Variants in FABP2 observed in about 807,000 individuals in gnomAD.
FABP2 encodes fatty acid-binding protein, intestinal.
Under a neutral mutation model 16.1 loss-of-function variants are expected in FABP2, and 11 were observed. That is an observed-to-expected ratio of 0.68 (90% CI 0.43 to 1.13). FABP2 has a LOEUF of 1.13. Ranked by LOEUF, FABP2 falls within the 50% of genes most tolerant of loss-of-function variation. FABP2 has a pLI of 0.00. For missense variants in FABP2, 146 were observed against 155.1 expected, an observed-to-expected ratio of 0.94 and a Z score of 0.31; for synonymous variants, 45 against 50.9, an observed-to-expected ratio of 0.88 and a Z score of 0.49.
At chr4:119,321,345 A>G (rs1490436380) in intron 1 of FABP2, among the ~76,000 whole-genome samples, 2 of 152,114 alleles carry the variant, frequency 1.3e-5, no homozygotes, top group Non-Finnish European at 2.9e-5. Context: ...ATTAGCAAAT[A>G]TTAAGCCAAA....
chr4:119,318,954 A>T lies in FABP2; in HGVS notation c.*87T>A. ...AAAGGACCAATCAATCAGTAACCTT[A>T]TACTTGATGGGGTGAAATAAATAGT... On this transcript the variant is annotated 3_prime_UTR_variant, in exon 4 of 4. Transcript: ENST00000274024. The T allele has an allele frequency of 2.9e-6, 3 of 1,047,472 alleles. No homozygotes were observed. The South Asian group carries it at 4.4e-5, about 15-fold the overall frequency. 64.9% of individuals were successfully genotyped at this position (1,047,472 alleles called of 1,614,324 possible). A position where few individuals can be genotyped will look rare whatever the true frequency, so the allele number is the denominator to read the frequency against.
chr4:119,319,168 T>A, intron 3 of FABP2, 77 bp from the exon 4 acceptor site: 3 of 802,738 alleles, frequency 3.7e-6, no homozygotes, highest in Non-Finnish European at 5.9e-6. Flanking sequence ...ATTATAGTTT[T>A]ATACTATATG....
Position 119,319,659 on chromosome 4 carries a change from A to AATAATG in FABP2, c.241-17_241-16insCATTAT. ...TCCAGGTCCCCTACATAATAATAATAATAATAATAATAATAATAATGGCAT... is the reference window on the plus strand; with the variant it reads ...TCCAGGTCCCCTACATAATAATAATAATAATGATAATAATAATAATAATAATGGCAT... On this transcript the variant is annotated splice_polypyrimidine_tract_variant and intron_variant, in intron 2 of 3. Transcript: ENST00000274024. The AATAATG allele has an allele frequency of 9.9e-7, 1 of 1,006,018 alleles. No individual in the cohort carries two copies. The highest frequency in any genetic ancestry group is 1.3e-6 in the Non-Finnish European group (1 of 749,856). 62.3% of individuals were successfully genotyped at this position (1,006,018 alleles called of 1,614,324 possible).
At position 119,317,778 on chromosome 4, in the gene FABP2, C is replaced by T. The variant is rs1359853367; in HGVS notation, c.*1263G>A. 1 of 151,810 alleles carries T rather than the reference C, an allele frequency of 6.6e-6. No individual in the cohort carries two copies. Among genetic ancestry groups the T allele is most frequent in the Non-Finnish European group, 1.5e-5 (1 of 67,948 alleles). 9.4% of individuals were successfully genotyped at this position (151,810 alleles called of 1,614,324 possible). Reference sequence around the variant, plus strand: ...TGCTAAAATACAATTATGTGAAGCACATAAAATTTTACGTCATGTGAAAAT... The same window carrying T: ...TGCTAAAATACAATTATGTGAAGCATATAAAATTTTACGTCATGTGAAAAT... On this transcript the variant is annotated 3_prime_UTR_variant, in exon 4 of 4. Transcript: ENST00000274024.
At chr4:119,321,625 A>T (rs1339060370) in intron 1 of FABP2, among the ~76,000 whole-genome samples, 1 of 152,134 alleles carries the variant, frequency 6.6e-6, no homozygotes, top group Non-Finnish European at 1.5e-5. Flanking sequence ...AGCGCTATAA[A>T]TTTTAAGAGA....
rs114411398 is a variant in FABP2, at chr4:119,318,774, A to G, written c.*267T>C. 959 of 333,970 alleles carry G rather than the reference A, an allele frequency of 2.9e-3. 8 individuals are homozygous for G. Among genetic ancestry groups the G allele is most frequent in the African/African-American group, 0.02 (902 of 45,762 alleles). The allele number at this position is 333,970 out of a possible 1,614,324, so 20.7% of individuals were successfully genotyped here. On this transcript the variant is annotated 3_prime_UTR_variant, in exon 4 of 4. Coordinates refer to ENST00000274024, the MANE Select transcript of FABP2 (RefSeq NM_000134.4). ...TTTCTTTTAAAAGGCAAGGCTACAT[A>G]TAAAGCAACATGGACGCAATATTTA...
chr4:119,320,014 G>A (rs1013173025), intron 2 of FABP2, among the ~76,000 whole-genome samples: 3 of 135,700 alleles, frequency 2.2e-5, no homozygotes, highest in Admixed American at 7.3e-5. Flanking sequence ...TAGTTTCATG[G>A]AGATGTTAAC....
At chr4:119,321,894 T>C in intron 1 of FABP2, 142 bp downstream of exon 1, 1 of 599,590 alleles carries the variant, frequency 1.7e-6, no homozygotes, top group Non-Finnish European at 2.9e-6. Flanking sequence ...ATGGTTTCCC[T>C]CCTCTGAACA....
chr4:119,321,149 A>C (rs1313500811), intron 1 of FABP2, among the ~76,000 whole-genome samples: 1 of 152,136 alleles, frequency 6.6e-6, no homozygotes, highest in Non-Finnish European at 1.5e-5. Flanking sequence ...ATCAAATTCT[A>C]GAAATATCAA....
intron 1 of FABP2, among the ~76,000 whole-genome samples, chr4:119,321,604 C>A: frequency 6.6e-6 from 1 of 152,224 alleles, no homozygotes; most frequent in South Asian, 2.1e-4. Context: ...AGAATTAAAT[C>A]TAACTTATTC....
intron 2 of FABP2, among the ~76,000 whole-genome samples, chr4:119,320,313 GTTAAA>G (rs1755645304): frequency 2.0e-5 from 3 of 151,578 alleles, no homozygotes; most frequent in Admixed American, 6.6e-5. Context: ...ATTTCAACAT[GTTAAA>G]TTGCTATTAC....
intron 2 of FABP2, among the ~76,000 whole-genome samples, chr4:119,319,851 G>A (rs1755637521): frequency 6.6e-6 from 1 of 151,922 alleles, no homozygotes; most frequent in African/African-American, 2.4e-5. Context: ...AGTGAGGATT[G>A]AACCTAGGCC....
chr4:119,320,677 T>C lies in FABP2; in HGVS notation c.233A>G (p.Glu78Gly). ...TFNYNLADGT[E>G]LRGTWSLEGN... ...AAAAAAAAAAATTCTTACCCTGAGT[T>C]CAGTTCCGTCTGCTAGATTGTAATT... Residue 78 changes from glutamate (E) to glycine (G), a missense_variant, in exon 2 of 4, where the codon GAA (glutamate) becomes GGA (glycine). By Grantham distance (98) the Glu-to-Gly change is moderately conservative (BLOSUM62 -2). Coordinates refer to ENST00000274024, the MANE Select transcript of FABP2 (RefSeq NM_000134.4). 1 of 1,572,778 alleles carries C rather than the reference T, an allele frequency of 6.4e-7. No homozygotes were observed. Among genetic ancestry groups the C allele is most frequent in the Non-Finnish European group, 8.6e-7 (1 of 1,167,476 alleles).
rs142059176 is a variant in FABP2, at chr4:119,318,003, C to T, written c.*1038G>A. ...TTTCTAGAATTCTTGGTTCTATTAG[C>T]GATTCTGATATAATAGAATAACAGT... On this transcript the variant is annotated 3_prime_UTR_variant, in exon 4 of 4. Transcript: ENST00000274024. 2.0e-5 allele frequency: 3 copies of T among 151,926 alleles called. No homozygotes were observed. The highest frequency in any genetic ancestry group is 4.8e-5 in the African/African-American group (2 of 41,378). 9.4% of individuals were successfully genotyped at this position (151,926 alleles called of 1,614,324 possible).
intron 1 of FABP2, 72 bp from the exon 2 acceptor site, chr4:119,320,914 T>C: frequency 7.6e-7 from 1 of 1,315,606 alleles, no homozygotes. Context: ...CAAGTTATGT[T>C]TTGTTTGTTT....
intron 2 of FABP2, 36 bp from the exon 3 acceptor site, chr4:119,319,679 T>TAATAATAATAAG: frequency 4.1e-6 from 4 of 968,380 alleles, no homozygotes; most frequent in Non-Finnish European, 5.5e-6. Flanking sequence ...ATAATAATAA[T>TAATAATAATAAG]GGCATTTATT....
Position 119,320,846 on chromosome 4 carries a change from T to A in FABP2, c.68-4A>T. On this transcript the variant is annotated splice_region_variant and splice_polypyrimidine_tract_variant and intron_variant, in intron 1 of 3. Transcript: ENST00000274024. ...TTCCTTTTCACTATATTAACACCTGTAAAAGGTAAGACAATGGAGAAAATA... is the reference window on the plus strand; with the variant it reads ...TTCCTTTTCACTATATTAACACCTGAAAAAGGTAAGACAATGGAGAAAATA... The A allele has an allele frequency of 6.4e-7, 1 of 1,556,018 alleles. No individual in the cohort carries two copies. Among genetic ancestry groups the A allele is most frequent in the Non-Finnish European group, 8.6e-7 (1 of 1,160,068 alleles).
Position 119,320,858 on chromosome 4 carries a change from C to T in FABP2, c.68-16G>A. 6.6e-7 allele frequency: 1 copy of T among 1,522,264 alleles called. No homozygotes were observed. The highest frequency in any genetic ancestry group is 8.7e-7 in the Non-Finnish European group (1 of 1,144,730). The allele number at this position is 1,522,264 out of a possible 1,614,324, so 94.3% of individuals were successfully genotyped here. A position where few individuals can be genotyped will look rare whatever the true frequency, so the allele number is the denominator to read the frequency against. On this transcript the variant is annotated splice_polypyrimidine_tract_variant and intron_variant, in intron 1 of 3. Coordinates refer to ENST00000274024, the MANE Select transcript of FABP2 (RefSeq NM_000134.4). ...ATATTAACACCTGTAAAAGGTAAGA[C>T]AATGGAGAAAATAAAGTCAAATCCC...
At position 119,318,206 on chromosome 4, in the gene FABP2, G is replaced by T. The variant is rs1305632583; in HGVS notation, c.*835C>A. ...TGTATTGGGAAATATCTGCCCCCAG[G>T]GAAGAGAGCTGAGAGGATATCTATC... On this transcript the variant is annotated 3_prime_UTR_variant, in exon 4 of 4. Transcript: ENST00000274024. 1 of 151,998 alleles carries T rather than the reference G, an allele frequency of 6.6e-6. No homozygotes were observed. The highest frequency in any genetic ancestry group is 1.5e-5 in the Non-Finnish European group (1 of 67,970). The allele number at this position is 151,998 out of a possible 1,614,324, so 9.4% of individuals were successfully genotyped here.
Sources: gnomAD v4.1 joint callset for allele counts (sites outside exome capture counted in the v4.1 genomes callset) on GRCh38, gnomAD v4.1.1 for gene constraint, MANE v1.5 for transcripts, NCBI Gene and HGNC (gene_info 2026-07-23, HGNC 2026-07-21) for gene names.